Variants in NCAM2 observed in about 807,000 individuals in gnomAD.
NCAM2 encodes N-CAM-2.
Under a neutral mutation model 98.1 loss-of-function variants are expected in NCAM2, and 30 were observed. The observed-to-expected ratio is 0.31, with a 90% confidence interval of 0.23 to 0.41. NCAM2 has a LOEUF of 0.41. Among genes scored for constraint, NCAM2 ranks in the 10% least tolerant of loss-of-function variants. The probability of loss-of-function intolerance (pLI) is 1.00; values close to 1 mark genes in which losing one functional copy is unlikely to be tolerated. For synonymous variants in NCAM2, 368 were observed against 342.4 expected (o/e 1.07, Z -0.83); for missense variants, 867 against 1,005.8 (o/e 0.86, Z 1.87).
chr21:21,413,786 A>G lies in NCAM2; in HGVS notation c.1383+3325A>G, dbSNP rs552899740. 2.6e-5 allele frequency among the ~76,000 whole-genome samples: 4 copies of G among 152,316 alleles called. No homozygotes were observed. The South Asian group carries it at 8.3e-4, about 32-fold the overall frequency. On this transcript the variant is annotated intron_variant, in intron 10 of 17. Transcript: ENST00000400546. Reference sequence around the variant, plus strand: ...CAAGGTTGATGGCTGCTTACTGATCAGAATGTTGATTGCTGAAGGTTGGAG... The same window carrying G: ...CAAGGTTGATGGCTGCTTACTGATCGGAATGTTGATTGCTGAAGGTTGGAG...
At chr21:21,235,932 T>C (rs1369925786) in intron 1 of NCAM2, among the ~76,000 whole-genome samples, 1 of 152,108 alleles carries the variant, frequency 6.6e-6, no homozygotes, top group Non-Finnish European at 1.5e-5. Flanking sequence ...AGTCATTACA[T>C]TTCATAACCA....
intron 1 of NCAM2, among the ~76,000 whole-genome samples, chr21:21,214,706 G>A (rs7280154): frequency 0.89 from 121,228 of 136,858 alleles, 54,310 homozygotes; most frequent in Non-Finnish European, 0.96. Context: ...ATCAGGGGGA[G>A]TAAATATATA....
intron 10 of NCAM2, among the ~76,000 whole-genome samples, chr21:21,411,973 G>T (rs1175915912): frequency 9.1e-6 from 1 of 109,862 alleles, no homozygotes; most frequent in Non-Finnish European, 2.2e-5. Context: ...AAAACATCTG[G>T]ACAGTTTTAA....
intron 1 of NCAM2, among the ~76,000 whole-genome samples, chr21:21,226,270 A>G (rs369705176): frequency 1.3e-4 from 20 of 152,160 alleles, no homozygotes; most frequent in African/African-American, 4.8e-4. Flanking sequence ...CAAAATACCC[A>G]TATAACAAAC....
intron 1 of NCAM2, among the ~76,000 whole-genome samples, chr21:21,255,003 C>T (rs772593184): frequency 6.6e-6 from 1 of 150,426 alleles, no homozygotes; most frequent in African/African-American, 2.5e-5. Flanking sequence ...TAATACTGAA[C>T]GTTATCAATA....
intron 8 of NCAM2, among the ~76,000 whole-genome samples, chr21:21,359,650 A>T (rs2075593045): frequency 6.6e-6 from 1 of 151,934 alleles, no homozygotes. Context: ...TTATATACTA[A>T]AAGTGATTTT....
At chr21:21,243,406 C>T (rs866349732) in intron 1 of NCAM2, among the ~76,000 whole-genome samples, 4 of 152,138 alleles carry the variant, frequency 2.6e-5, no homozygotes, top group Admixed American at 1.3e-4. Flanking sequence ...TCAGTTATTA[C>T]TGATTGAAAT....
At chr21:21,518,618 TATA>T (rs1384269094) in intron 16 of NCAM2, among the ~76,000 whole-genome samples, 3 of 151,370 alleles carry the variant, frequency 2.0e-5, no homozygotes, top group Non-Finnish European at 4.4e-5. Flanking sequence ...AAATATTATA[TATA>T]ATAACATCAT....
chr21:21,277,735 G>T (rs999765925), intron 1 of NCAM2, among the ~76,000 whole-genome samples: 1 of 152,090 alleles, frequency 6.6e-6, no homozygotes, highest in Non-Finnish European at 1.5e-5. Flanking sequence ...GCAGAAGAGT[G>T]AAATTAAACA....
chr21:21,170,381 A>T (rs1475380910), intron 1 of NCAM2, among the ~76,000 whole-genome samples: 5 of 152,224 alleles, frequency 3.3e-5, no homozygotes, highest in Non-Finnish European at 7.3e-5. Context: ...ATGGAATATT[A>T]TTCAGCACCA....
chr21:21,060,820 T>A (rs961871857), intron 1 of NCAM2, among the ~76,000 whole-genome samples: 4 of 152,088 alleles, frequency 2.6e-5, no homozygotes, highest in African/African-American at 9.7e-5. Flanking sequence ...GTGGAAGATT[T>A]AAAAGAGAAA....
At chr21:21,115,607 G>T (rs1478105815) in intron 1 of NCAM2, among the ~76,000 whole-genome samples, 1 of 152,082 alleles carries the variant, frequency 6.6e-6, no homozygotes, top group Non-Finnish European at 1.5e-5. Flanking sequence ...TGCATTAATT[G>T]TCTTTGTTTC....
At chr21:21,271,869 G>T (rs1260797106) in intron 1 of NCAM2, among the ~76,000 whole-genome samples, 1 of 152,096 alleles carries the variant, frequency 6.6e-6, no homozygotes, top group Non-Finnish European at 1.5e-5. Context: ...ACAGGAAGGG[G>T]AACATCACAC....
chr21:21,234,866 G>C (rs2070757487), intron 1 of NCAM2, among the ~76,000 whole-genome samples: 1 of 152,014 alleles, frequency 6.6e-6, no homozygotes, highest in African/African-American at 2.4e-5. Flanking sequence ...AAATTGTTCA[G>C]TAGATTCTTT....
intron 11 of NCAM2, among the ~76,000 whole-genome samples, chr21:21,425,183 A>T (rs566659329): frequency 2.0e-5 from 3 of 152,164 alleles, no homozygotes; most frequent in Admixed American, 6.6e-5. Context: ...TTCTAGAGAC[A>T]GATTTCAACA....
intron 16 of NCAM2, among the ~76,000 whole-genome samples, chr21:21,529,035 A>G (rs999057968): frequency 1.3e-5 from 2 of 152,284 alleles, no homozygotes; most frequent in South Asian, 4.1e-4. Flanking sequence ...AATCATTTTC[A>G]TCCTTTCTAT....
At chr21:21,422,578 CT>C (rs2077132358) in intron 11 of NCAM2, among the ~76,000 whole-genome samples, 1 of 152,102 alleles carries the variant, frequency 6.6e-6, no homozygotes, top group African/African-American at 2.4e-5. Context: ...ACGTAGTCTT[CT>C]TTTACCTATC....
At chr21:21,364,131 A>G (rs1025142692) in intron 8 of NCAM2, among the ~76,000 whole-genome samples, 5 of 152,044 alleles carry the variant, frequency 3.3e-5, no homozygotes, top group Non-Finnish European at 7.4e-5. Context: ...TCTCTTAGAG[A>G]TAGGTTGTTT....
intron 1 of NCAM2, among the ~76,000 whole-genome samples, chr21:21,083,003 C>A (rs2032297): frequency 6.6e-6 from 1 of 151,986 alleles, no homozygotes; most frequent in Non-Finnish European, 1.5e-5. Flanking sequence ...CCTTGAGCAG[C>A]CTTTGCTTCT....
Sources: allele counts gnomAD v4.1 joint callset (sites outside exome capture counted in the v4.1 genomes callset), GRCh38; gene constraint gnomAD v4.1.1; transcripts MANE v1.5; gene names NCBI Gene and HGNC (gene_info 2026-07-23, HGNC 2026-07-21).